Variants in MAGEB10 observed in about 807,000 individuals in gnomAD.
MAGEB10 encodes the protein melanoma-associated antigen B10.
For missense variants in MAGEB10, 190 were observed against 261.9 expected (o/e 0.73, Z 1.89); for synonymous variants, 99 against 101.0 (o/e 0.98, Z 0.12).
chrX:27,819,164 T>C (rs1446818507), intron 2 of MAGEB10, among the ~76,000 whole-genome samples: 1 of 110,922 alleles, frequency 9.0e-6, no homozygotes, highest in Non-Finnish European at 1.9e-5. Flanking sequence ...GTGAAGTGGT[T>C]GGGGACGAAG....
intron 1 of MAGEB10, chrX:27,811,992 G>A (rs934011995): frequency 8.2e-6 from 1 of 122,693 alleles, no homozygotes; most frequent in African/African-American, 3.2e-5. Context: ...AGAGGAAGGA[G>A]AGTCCCTCAC....
Position 27,822,479 on chromosome X carries a change from A to G in MAGEB10, c.*129A>G. On this transcript the variant is annotated 3_prime_UTR_variant, in exon 3 of 3. Transcript: ENST00000356790. ...GTTAATGTTCTATGTGATGGCTTGG[A>G]ATTTTTGAAGATGTTGTTCCTTTAA... is the stretch of plus-strand genomic sequence containing the variant. 1 of 644,056 alleles carries G rather than the reference A, an allele frequency of 1.6e-6. No homozygotes were observed. The allele number at this position is 644,056 out of a possible 1,213,427, so 53.1% of individuals were successfully genotyped here. A position where few individuals can be genotyped will look rare whatever the true frequency, so the allele number is the denominator to read the frequency against.
In MAGEB10 at chrX:27,809,762, T is replaced by C. The variant is rs374621681; in HGVS notation, c.-199+1726T>C. 2.4e-4 allele frequency among the ~76,000 whole-genome samples: 24 copies of C among 98,228 alleles called. No homozygotes were observed. The East Asian group carries it at 8.1e-3, about 33-fold the overall frequency. The allele number at this position is 98,228 out of a possible 115,157, so 85.3% of individuals were successfully genotyped here. A position where few individuals can be genotyped will look rare whatever the true frequency, so the allele number is the denominator to read the frequency against. On this transcript the variant is annotated intron_variant, in intron 1 of 2. Coordinates refer to ENST00000356790, the MANE Select transcript of MAGEB10 (RefSeq NM_182506.3). The stretch of plus-strand genomic sequence containing the variant: ...TGAAGCCAGCTGGGCTCCTGACTGG[T>C]GGGGACTTGGAGAACCTTTATGTCT...
At chrX:27,808,486 T>G (rs1203731226) in intron 1 of MAGEB10, among the ~76,000 whole-genome samples, 1 of 111,534 alleles carries the variant, frequency 9.0e-6, no homozygotes, top group Non-Finnish European at 1.9e-5. Context: ...AGGTGAGGCC[T>G]TGCAGTGAGG....
intron 1 of MAGEB10, among the ~76,000 whole-genome samples, chrX:27,811,269 G>C (rs1923677488): frequency 9.1e-6 from 1 of 110,365 alleles, no homozygotes; most frequent in Admixed American, 9.7e-5. Context: ...TAGGTTTCAG[G>C]TAAGCAAAAG....
chrX:27,818,732 G>T (rs914366144), intron 2 of MAGEB10, among the ~76,000 whole-genome samples: 1 of 111,840 alleles, frequency 8.9e-6, no homozygotes, highest in Non-Finnish European at 1.9e-5. Context: ...TGCAGATGCT[G>T]CAGCTCCTTA....
At chrX:27,812,479 A>G (rs2147392605) in intron 1 of MAGEB10, 1 of 153,180 alleles carries the variant, frequency 6.5e-6, no homozygotes, top group East Asian at 1.8e-4. Flanking sequence ...AGTTTGCCCA[A>G]GAATGGCCTG....
At chrX:27,810,605 G>A (rs764330860) in intron 1 of MAGEB10, among the ~76,000 whole-genome samples, 1 of 111,284 alleles carries the variant, frequency 9.0e-6, no homozygotes, top group Non-Finnish European at 1.9e-5. Context: ...TGGTGGTCGT[G>A]GGGAAGGGTA....
chrX:27,815,326 T>C (rs1259353535), intron 1 of MAGEB10, among the ~76,000 whole-genome samples: 2 of 112,398 alleles, frequency 1.8e-5, no homozygotes, highest in Admixed American at 9.4e-5. Context: ...ACTTGGAACT[T>C]CTCTGATAAC....
chrX:27,816,041 A>C (rs1923779197), intron 1 of MAGEB10, among the ~76,000 whole-genome samples: 2 of 111,137 alleles, frequency 1.8e-5, no homozygotes, highest in Middle Eastern at 4.2e-3. Context: ...CAGTCTTTGC[A>C]TGTGGGCCTC....
chrX:27,813,325 C>T lies in MAGEB10; in HGVS notation c.-198-4229C>T, dbSNP rs767457987. Among the ~76,000 whole-genome samples, 5 of 111,589 alleles carry T rather than the reference C, an allele frequency of 4.5e-5. No homozygotes were observed. The Admixed American group carries it at 4.7e-4, about 11-fold the overall frequency. ...TAAAAGATGATAAATGCTTTCATTCCGTTATGTTTAGTCTGTTCTGTAAAA... is the reference window on the plus strand; with the variant it reads ...TAAAAGATGATAAATGCTTTCATTCTGTTATGTTTAGTCTGTTCTGTAAAA... On this transcript the variant is annotated intron_variant, in intron 1 of 2. Transcript: ENST00000356790.
intron 1 of MAGEB10, chrX:27,812,891 G>A: frequency 4.3e-6 from 1 of 231,453 alleles, no homozygotes; most frequent in South Asian, 6.0e-5. Context: ...CACGTTCCAA[G>A]GCCACGTCCA....
At chrX:27,813,233 A>G (rs1015693525) in intron 1 of MAGEB10, among the ~76,000 whole-genome samples, 4 of 112,152 alleles carry the variant, frequency 3.6e-5, no homozygotes, top group Non-Finnish European at 7.5e-5. Context: ...TGGATTAGCC[A>G]TTTCCTTGGA....
At chrX:27,821,168 C>A in intron 2 of MAGEB10, 90 bp from the exon 3 acceptor site, 1 of 510,624 alleles carries the variant, frequency 2.0e-6, no homozygotes, top group Non-Finnish European at 3.2e-6. Context: ...AGTAATGCAC[C>A]AAGAAAACTT....
chrX:27,815,657 A>G (rs1290731641), intron 1 of MAGEB10, among the ~76,000 whole-genome samples: 1 of 112,457 alleles, frequency 8.9e-6, no homozygotes, highest in Non-Finnish European at 1.9e-5. Context: ...CCTAGGAAAT[A>G]ACTGTGTATC....
intron 1 of MAGEB10, among the ~76,000 whole-genome samples, chrX:27,814,481 T>A (rs533222672): frequency 1.8e-5 from 2 of 111,034 alleles, no homozygotes; most frequent in African/African-American, 6.6e-5. Flanking sequence ...AATAACTGAG[T>A]TTTACTTGCT....
chrX:27,809,378 AC>A (rs1223617772), intron 1 of MAGEB10, among the ~76,000 whole-genome samples: 16 of 21,611 alleles, frequency 7.4e-4, no homozygotes, highest in East Asian at 5.1e-3. Flanking sequence ...AGCCTCTCCC[AC>A]CCCCCCAACC....
At chrX:27,817,049 T>C (rs1923795044) in intron 1 of MAGEB10, among the ~76,000 whole-genome samples, 1 of 109,171 alleles carries the variant, frequency 9.2e-6, no homozygotes, top group African/African-American at 3.3e-5. Flanking sequence ...GTCTGCCACC[T>C]CCATGCCTTC....
intron 2 of MAGEB10, among the ~76,000 whole-genome samples, chrX:27,818,051 C>G (rs1311387604): frequency 9.0e-6 from 1 of 111,036 alleles, no homozygotes; most frequent in Non-Finnish European, 1.9e-5. Context: ...TCTTGGACAA[C>G]TTTTCTGAAT....
Sources: gnomAD v4.1 joint callset for allele counts (sites outside exome capture counted in the v4.1 genomes callset) on GRCh38, gnomAD v4.1.1 for gene constraint, MANE v1.5 for transcripts, NCBI Gene and HGNC (gene_info 2026-07-23, HGNC 2026-07-21) for gene names.